Variants in CLIC5 observed in about 807,000 individuals in gnomAD.
The protein encoded by CLIC5 is CLIC family member 5.
A neutral mutation model predicts 24.7 loss-of-function variants in CLIC5; 20 were observed. The observed-to-expected ratio is 0.81, with a 90% CI of 0.57 to 1.18. The LOEUF (loss-of-function observed/expected upper bound fraction) is 1.18. Among genes scored for constraint, CLIC5 ranks in the 50% most tolerant of loss-of-function variants. The probability of loss-of-function intolerance (pLI) is 0.00; values close to 1 mark genes in which losing one functional copy is unlikely to be tolerated. For missense variants in CLIC5, 341 were observed against 326.1 expected (o/e 1.05, Z -0.35); for synonymous variants, 159 against 135.6 (o/e 1.17, Z -1.20).
intron 1 of CLIC5, among the ~76,000 whole-genome samples, chr6:46,005,630 T>A (rs1458555296): frequency 6.6e-6 from 1 of 152,048 alleles, no homozygotes; most frequent in Admixed American, 6.6e-5. Flanking sequence ...AATGTTTGTG[T>A]CCCCCCAGAA....
intron 1 of CLIC5, among the ~76,000 whole-genome samples, chr6:45,982,708 G>A (rs758617469): frequency 8.5e-5 from 13 of 152,144 alleles, no homozygotes; most frequent in Non-Finnish European, 1.6e-4. Context: ...TTATTATGTG[G>A]TATGTGACTC....
At chr6:46,078,048 A>G (rs1762816136) in intron 1 of CLIC5, among the ~76,000 whole-genome samples, 1 of 152,040 alleles carries the variant, frequency 6.6e-6, no homozygotes, top group African/African-American at 2.4e-5. Context: ...AAAAAAAAAT[A>G]CATCTAGTCC....
chr6:46,114,253 G>A, the CLIC5 span, among the ~76,000 whole-genome samples: 4 of 152,084 alleles, frequency 2.6e-5, 1 homozygote, highest in Admixed American at 2.6e-4. Context: ...TTAAGTCCCT[G>A]CCTTTCCCCC....
At chr6:45,930,872 G>C (rs1763711240) in intron 4 of CLIC5, among the ~76,000 whole-genome samples, 1 of 152,200 alleles carries the variant, frequency 6.6e-6, no homozygotes, top group South Asian at 2.1e-4. Flanking sequence ...TTACCGTTGA[G>C]GAGGCTGAGG....
chr6:45,940,714 G>A (rs1009965885), intron 4 of CLIC5, among the ~76,000 whole-genome samples: 3 of 152,202 alleles, frequency 2.0e-5, no homozygotes, highest in Non-Finnish European at 4.4e-5. Flanking sequence ...CTGAGGGCAA[G>A]GGAATGGCTG....
At chr6:46,039,629 T>G (rs1029538077) in intron 1 of CLIC5, among the ~76,000 whole-genome samples, 5 of 152,036 alleles carry the variant, frequency 3.3e-5, no homozygotes, top group African/African-American at 1.2e-4. Flanking sequence ...TAATTATAAA[T>G]AAAACAGATA....
At chr6:45,881,631 C>A (rs1762263733) in intron 6 of CLIC5, among the ~76,000 whole-genome samples, 1 of 152,140 alleles carries the variant, frequency 6.6e-6, no homozygotes, top group Non-Finnish European at 1.5e-5. Flanking sequence ...AATACCTTTC[C>A]CTTTACCCCT....
chr6:45,939,117 G>A (rs986142524), intron 4 of CLIC5, among the ~76,000 whole-genome samples: 1 of 151,870 alleles, frequency 6.6e-6, no homozygotes. Context: ...CCAGCTTCCG[G>A]AAAGCTAAGA....
chr6:46,042,742 G>T (rs1767842526), intron 1 of CLIC5, among the ~76,000 whole-genome samples: 1 of 152,186 alleles, frequency 6.6e-6, no homozygotes, highest in African/African-American at 2.4e-5. Flanking sequence ...AAGATGACAT[G>T]GAGTATTGAG....
chr6:46,015,431 C>T, intron 1 of CLIC5, 49 bp downstream of exon 1: 2 of 1,469,392 alleles, frequency 1.4e-6, no homozygotes, highest in Non-Finnish European at 9.1e-7. Context: ...GGTGGGTGAG[C>T]CCGGCGGGAG....
chr6:45,890,871 A>G (rs1411336554), intron 6 of CLIC5, among the ~76,000 whole-genome samples: 1 of 152,156 alleles, frequency 6.6e-6, no homozygotes, highest in Non-Finnish European at 1.5e-5. Context: ...GAATCTTAAC[A>G]ACTCAGAAGT....
chr6:46,005,622 T>C (rs1766523649), intron 1 of CLIC5, among the ~76,000 whole-genome samples: 1 of 152,150 alleles, frequency 6.6e-6, no homozygotes, highest in African/African-American at 2.4e-5. Context: ...TAGATCTGAA[T>C]GTTTGTGTCC....
At chr6:46,010,066 T>C (rs1399463223) in intron 1 of CLIC5, among the ~76,000 whole-genome samples, 1 of 152,204 alleles carries the variant, frequency 6.6e-6, no homozygotes, top group East Asian at 1.9e-4. Context: ...GCTTGTGTTC[T>C]CAGGGGTCAG....
intron 1 of CLIC5, among the ~76,000 whole-genome samples, chr6:46,032,893 C>T (rs12201708): frequency 0.027 from 4,161 of 151,850 alleles, 69 homozygotes; most frequent in South Asian, 0.064. Flanking sequence ...CAATCTGTAG[C>T]AGAATCACTT....
the CLIC5 span, among the ~76,000 whole-genome samples, chr6:46,122,003 C>A: frequency 6.6e-6 from 1 of 152,290 alleles, no homozygotes; most frequent in South Asian, 2.1e-4. Context: ...ACCCCACTGT[C>A]AACATTAGAC....
upstream of CLIC5, among the ~76,000 whole-genome samples, chr6:46,016,863 T>C (rs1767029394): frequency 6.6e-6 from 1 of 152,246 alleles, no homozygotes; most frequent in Non-Finnish European, 1.5e-5. Context: ...CTCATTACTA[T>C]GTTTGTGAGA....
At chr6:45,909,467 T>C (rs1031814871) in intron 5 of CLIC5, among the ~76,000 whole-genome samples, 2 of 152,214 alleles carry the variant, frequency 1.3e-5, no homozygotes, top group Non-Finnish European at 2.9e-5. Flanking sequence ...GTAAGTATGG[T>C]CTAATGGTAA....
intron 5 of CLIC5, among the ~76,000 whole-genome samples, chr6:45,906,973 G>A (rs1762679352): frequency 6.6e-6 from 1 of 152,240 alleles, no homozygotes; most frequent in Non-Finnish European, 1.5e-5. Flanking sequence ...AGTAAAGAGA[G>A]AGAATGTGAC....
At chr6:45,895,369 G>T (rs991226918), downstream of CLIC5, among the ~76,000 whole-genome samples, 1 of 152,146 alleles carries the variant, frequency 6.6e-6, no homozygotes, top group Non-Finnish European at 1.5e-5. Flanking sequence ...GTGATAAAAT[G>T]AGCTTAGGTA....
Sources: gnomAD v4.1 joint callset for allele counts (sites outside exome capture counted in the v4.1 genomes callset) on GRCh38, gnomAD v4.1.1 for gene constraint, MANE v1.5 for transcripts, NCBI Gene and HGNC (gene_info 2026-07-23, HGNC 2026-07-21) for gene names.